Variants in TRPM5 observed in about 807,000 individuals in gnomAD.
TRPM5 encodes the protein transient receptor potential cation channel subfamily M member 5, also known as MLSN1 and TRP-related.
A neutral mutation model predicts 124.9 loss-of-function variants in TRPM5; 121 were observed. That is an observed-to-expected ratio of 0.97 (90% CI 0.84 to 1.13). TRPM5 has a LOEUF of 1.13. TRPM5 is among the 50% of genes most tolerant of loss of function. The pLI is 0.00. For missense variants in TRPM5, 1,643 were observed against 1,589.1 expected, an observed-to-expected ratio of 1.03 and a Z score of -0.58; for synonymous variants, 781 against 700.5, an observed-to-expected ratio of 1.11 and a Z score of -1.81.
chr11:2,414,691 C>G, intron 11 of TRPM5, 24 bp downstream of exon 16: 1 of 1,523,066 alleles, frequency 6.6e-7, no homozygotes, highest in South Asian at 1.2e-5. Context: ...CGCGCGGGCC[C>G]GGCCCCAGCC....
exon 21 of TRPM5, chr11:2,406,678 C>A (rs757774385): frequency 7.4e-6 from 12 of 1,611,702 alleles, no homozygotes; most frequent in African/African-American, 1.3e-5. Context: ...CGGTTTTCCG[C>A]AGCACCTCCC....
intron 7 of TRPM5, among the ~76,000 whole-genome samples, chr11:2,417,204 C>T (rs1226825657): frequency 3.3e-5 from 5 of 152,208 alleles, no homozygotes; most frequent in Non-Finnish European, 7.3e-5. Context: ...GTAACCTCAG[C>T]ACTTTGGGAG....
rs1845672591 is a variant in TRPM5, at chr11:2,416,168, C to G, written c.1010-144G>C. 3 of 608,984 alleles carry G rather than the reference C, an allele frequency of 4.9e-6. No individual in the cohort carries two copies. In the Admixed American group the frequency reaches 8.1e-5, roughly 16 times the overall value. 37.7% of individuals were successfully genotyped at this position (608,984 alleles called of 1,614,324 possible). ...ACTTGAGGGGGCACATGCGCCACCT[C>G]TGAGCACCAGCAGGAGGCACGAGAC... On this transcript the variant is annotated intron_variant, in intron 7 of 23. Coordinates refer to ENST00000155858, the Ensembl canonical transcript of TRPM5.
the TRPM5 span, among the ~76,000 whole-genome samples, chr11:2,436,825 G>C: frequency 6.6e-6 from 1 of 152,270 alleles, no homozygotes; most frequent in Non-Finnish European, 1.5e-5. Context: ...AGAACAGGGA[G>C]CATGAGACCA....
intron 15 of TRPM5, 100 bp from the exon 21 acceptor site, chr11:2,412,353 T>C (rs1850470041): frequency 1.7e-6 from 1 of 593,894 alleles, no homozygotes. Context: ...CAGGGTTCCA[T>C]CTATGACCAG....
At chr11:2,415,662 AGCAAAT>A (rs1845658695) in intron 8 of TRPM5, among the ~76,000 whole-genome samples, 191 bp from the exon 14 acceptor site, 1 of 152,186 alleles carries the variant, frequency 6.6e-6, no homozygotes, top group Admixed American at 6.5e-5. Flanking sequence ...GCCAGTCGTG[AGCAAAT>A]GCTGAGGGTG....
chr11:2,414,016 C>CCCCCCCCCCCCCCCCCCCCCCCCA, intron 12 of TRPM5, 45 bp downstream of exon 17: 1 of 1,259,554 alleles, frequency 7.9e-7, no homozygotes, highest in Non-Finnish European at 1.1e-6. Flanking sequence ...CTCGCCCGCC[C>CCCCCCCCCCCCCCCCCCCCCCCCA]ACCCCACCCC....
chr11:2,443,156 C>T, the TRPM5 span, among the ~76,000 whole-genome samples: 1 of 152,218 alleles, frequency 6.6e-6, no homozygotes, highest in African/African-American at 2.4e-5. This position sits in a 1 kb window ranked among gnomAD's most constrained non-coding sequence, Gnocchi z 5.0. Flanking sequence ...ATTTGCATGG[C>T]TTCATCTCAC....
chr11:2,422,118 G>C (rs755376506), intron 2 of TRPM5, 23 bp downstream of exon 7: 13 of 1,568,522 alleles, frequency 8.3e-6, no homozygotes, highest in Non-Finnish European at 1.1e-5. Context: ...TGGGAGCGCT[G>C]CCTGTGCCGG....
At chr11:2,422,360 G>A (rs376298824) in intron 1 of TRPM5, 39 bp from the exon 7 acceptor site, 104 of 1,576,362 alleles carry the variant, frequency 6.6e-5, no homozygotes, top group Non-Finnish European at 7.2e-5. Context: ...TTCGGGGCAC[G>A]GGGCATGGGA....
intron 18 of TRPM5, among the ~76,000 whole-genome samples, chr11:2,411,128 G>T (rs1850436083): frequency 6.6e-6 from 1 of 152,158 alleles, no homozygotes; most frequent in Non-Finnish European, 1.5e-5. Context: ...CCAGGTCCCA[G>T]GTCGGGGCTC....
chr11:2,414,009 G>GGGGGGGGCCCCCCCCCCCCCCCCCC, intron 12 of TRPM5, 52 bp downstream of exon 17: 11 of 1,023,710 alleles, frequency 1.1e-5, no homozygotes, highest in African/African-American at 1.6e-5. Context: ...GGCCCAGCTC[G>GGGGGGGGCCCCCCCCCCCCCCCCCC]CCCGCCCACC....
intron 6 of TRPM5, 54 bp downstream of exon 11, chr11:2,418,113 C>T: frequency 1.4e-6 from 2 of 1,461,620 alleles, no homozygotes; most frequent in South Asian, 1.3e-5. Context: ...CCCAGAGGAC[C>T]AGCCCCACCC....
At chr11:2,435,591 C>T in the TRPM5 span, among the ~76,000 whole-genome samples, 1 of 149,528 alleles carries the variant, frequency 6.7e-6, no homozygotes, top group African/African-American at 2.5e-5. The surrounding 1 kb of genome is among the most constrained non-coding windows in gnomAD (Gnocchi z 4.1). Flanking sequence ...GTCCATCCAT[C>T]CATCCATCCA....
At chr11:2,421,915 A>T (rs1279015131) in intron 2 of TRPM5, among the ~76,000 whole-genome samples, 1 of 151,524 alleles carries the variant, frequency 6.6e-6, no homozygotes, top group African/African-American at 2.4e-5. Flanking sequence ...GGTACTGCAG[A>T]GGACGGGCTG....
intron 7 of TRPM5, among the ~76,000 whole-genome samples, chr11:2,416,807 A>G (rs532309946): frequency 3.3e-5 from 5 of 152,338 alleles, no homozygotes; most frequent in African/African-American, 1.2e-4. Context: ...GTTCGTCTCC[A>G]GCAAAAAGCA....
chr11:2,435,593 A>G, the TRPM5 span, among the ~76,000 whole-genome samples: 9 of 148,900 alleles, frequency 6.0e-5, no homozygotes, highest in Admixed American at 4.6e-4. This position sits in a 1 kb window ranked among gnomAD's most constrained non-coding sequence, Gnocchi z 4.1. Flanking sequence ...CCATCCATCC[A>G]TCCATCCATC....
At chr11:2,408,733 C>T (rs564799247) in intron 18 of TRPM5, among the ~76,000 whole-genome samples, 10 of 152,324 alleles carry the variant, frequency 6.6e-5, no homozygotes, top group East Asian at 1.9e-4. Flanking sequence ...AGGAAGGAGC[C>T]GCAGTGGGCG....
the TRPM5 span, among the ~76,000 whole-genome samples, chr11:2,435,972 A>T: frequency 6.6e-6 from 1 of 152,214 alleles, no homozygotes; most frequent in Non-Finnish European, 1.5e-5. The surrounding 1 kb of genome is among the most constrained non-coding windows in gnomAD (Gnocchi z 4.1). Flanking sequence ...AGAGCACCCC[A>T]AGAGCGTAGG....
Sources: allele counts gnomAD v4.1 joint callset (sites outside exome capture counted in the v4.1 genomes callset), GRCh38; gene constraint gnomAD v4.1.1; non-coding constraint Gnocchi (gnomAD v3.1); transcripts MANE v1.5; gene names NCBI Gene and HGNC (gene_info 2026-07-23, HGNC 2026-07-21).